The following MBNL1 variants were observed in gnomAD, a reference collection of about 807,000 sequenced individuals.
MBNL1 encodes the protein muscleblind like splicing regulator 1, also known as muscleblind-like protein 1.
In MBNL1, 8 loss-of-function variants were observed where a neutral mutation model predicts 42.2. The ratio of observed to expected loss-of-function variants is 0.19; its 90% CI spans 0.11 to 0.34. MBNL1 has a LOEUF of 0.34. Ranked by LOEUF, MBNL1 falls within the 10% of genes least tolerant of loss-of-function variation. The probability of loss-of-function intolerance (pLI) is 1.00; values close to 1 mark genes in which losing one functional copy is unlikely to be tolerated. For missense variants in MBNL1, 309 were observed against 495.3 expected (o/e 0.62, Z 3.57); for synonymous variants, 169 against 173.9 (o/e 0.97, Z 0.22).
In MBNL1 at chr3:152,352,343, C is replaced by T. The variant is rs1306090862; in HGVS notation, c.174+51976C>T. ...TATGACTGTTGTACAGTTGCACAGA[C>T]ATCTTGTTTTCTTCTAGAGAGTCCC... On this transcript the variant is annotated intron_variant, in intron 2 of 9. Coordinates refer to ENST00000324210, the MANE Select transcript of MBNL1 (RefSeq NM_021038.5). Among the ~76,000 whole-genome samples the T allele has an allele frequency of 2.6e-5, 4 of 152,256 alleles. No homozygotes were observed. In the East Asian group the frequency reaches 7.7e-4, roughly 29 times the overall value.
At chr3:152,352,269 A>T (rs968612271) in intron 2 of MBNL1, among the ~76,000 whole-genome samples, 2 of 152,156 alleles carry the variant, frequency 1.3e-5, no homozygotes, top group African/African-American at 4.8e-5. Flanking sequence ...TCATTTTTTC[A>T]TGTTTTAAAA....
intron 2 of MBNL1, among the ~76,000 whole-genome samples, chr3:152,381,128 A>G (rs2097162887): frequency 6.6e-6 from 1 of 152,060 alleles, no homozygotes; most frequent in Admixed American, 6.6e-5. Context: ...CAAGTTGTAT[A>G]TCTACATTTC....
rs1577073546 is a variant in MBNL1 at position 152,281,773 on chromosome 3, A to G, written c.-790+12681A>G. On this transcript the variant is annotated intron_variant, in intron 1 of 9. Transcript: ENST00000324210. Reference sequence around the variant, plus strand: ...CTCTTGTAATCTATTCAGCTGCATTATTGAAGATATTAGGGTAATTCAATT... The same window carrying G: ...CTCTTGTAATCTATTCAGCTGCATTGTTGAAGATATTAGGGTAATTCAATT... Among the ~76,000 whole-genome samples, 3 of 152,176 alleles carry G rather than the reference A, an allele frequency of 2.0e-5. No individual in the cohort carries two copies. The East Asian group carries it at 5.8e-4, about 29-fold the overall frequency.
intron 4 of MBNL1, among the ~76,000 whole-genome samples, chr3:152,443,310 C>G (rs1467568004): frequency 6.6e-6 from 1 of 151,566 alleles, no homozygotes; most frequent in South Asian, 2.1e-4. Context: ...TCCCTGCTGC[C>G]AATTCATTTT....
At chr3:152,275,570 A>G (rs988127972) in intron 1 of MBNL1, among the ~76,000 whole-genome samples, 3 of 151,890 alleles carry the variant, frequency 2.0e-5, no homozygotes, top group East Asian at 3.9e-4. Flanking sequence ...TTAGCTGGGC[A>G]TGGTGGCGCA....
At chr3:152,453,608 A>G (rs904052164) in intron 6 of MBNL1, among the ~76,000 whole-genome samples, 1 of 152,182 alleles carries the variant, frequency 6.6e-6, no homozygotes, top group Admixed American at 6.5e-5. Flanking sequence ...ATTTTTGGTA[A>G]GTGGGTCCTA....
intron 1 of MBNL1, among the ~76,000 whole-genome samples, chr3:152,279,025 G>T (rs2150233808): frequency 6.6e-6 from 1 of 152,190 alleles, no homozygotes; most frequent in East Asian, 1.9e-4. Flanking sequence ...GGAATGCTGT[G>T]GGGAAGAGGG....
chr3:152,249,835 A>G (rs1320126753), intron 2 of MBNL1, among the ~76,000 whole-genome samples: 1 of 146,972 alleles, frequency 6.8e-6, no homozygotes, highest in Non-Finnish European at 1.5e-5. Flanking sequence ...CTTTCTACAT[A>G]TGGCTAGCCA....
rs1750230752 is a variant in MBNL1 at position 152,465,674 on chromosome 3, G to C, written c.*3308G>C. On this transcript the variant is annotated 3_prime_UTR_variant, in exon 10 of 10. Coordinates refer to ENST00000324210, the MANE Select transcript of MBNL1 (RefSeq NM_021038.5). Reference sequence around the variant, plus strand: ...TGCTTAAAATTATGTATTTTGTCTTGGGCTGCAATTTGTTTTATGCTTATT... The same window carrying C: ...TGCTTAAAATTATGTATTTTGTCTTCGGCTGCAATTTGTTTTATGCTTATT... 1 of 152,414 alleles carries C rather than the reference G, an allele frequency of 6.6e-6. No homozygotes were observed. Among genetic ancestry groups the C allele is most frequent in the Non-Finnish European group, 1.5e-5 (1 of 67,996 alleles). The allele number at this position is 152,414 out of a possible 1,614,324, so 9.4% of individuals were successfully genotyped here.
At chr3:152,343,060 C>A (rs2093624562) in intron 2 of MBNL1, among the ~76,000 whole-genome samples, 1 of 152,024 alleles carries the variant, frequency 6.6e-6, no homozygotes, top group African/African-American at 2.4e-5. Context: ...TCTGTCAAAT[C>A]CATTTAACCT....
At chr3:152,374,887 T>C (rs948233624) in intron 2 of MBNL1, among the ~76,000 whole-genome samples, 5 of 152,136 alleles carry the variant, frequency 3.3e-5, no homozygotes, top group Admixed American at 6.5e-5. Context: ...CAAAGAAGAG[T>C]TGATTTCATT....
chr3:152,437,763 C>T (rs1304685293), intron 4 of MBNL1, among the ~76,000 whole-genome samples: 6 of 135,234 alleles, frequency 4.4e-5, no homozygotes, highest in African/African-American at 1.7e-4. Flanking sequence ...ACTTTCTGTA[C>T]TCCAAAATTC....
chr3:152,310,473 G>A (rs1000037955), intron 2 of MBNL1, among the ~76,000 whole-genome samples: 3 of 152,284 alleles, frequency 2.0e-5, no homozygotes, highest in Non-Finnish European at 4.4e-5. Flanking sequence ...AGATTATGAA[G>A]CACTATACAG....
In MBNL1 at chr3:152,268,985, A is replaced by G. The variant is rs2038227994; in HGVS notation, c.-897A>G. 1 of 456,034 alleles carries G rather than the reference A, an allele frequency of 2.2e-6. No individual in the cohort carries two copies. The highest frequency in any genetic ancestry group is 2.0e-5 in the African/African-American group (1 of 50,032). The allele number at this position is 456,034 out of a possible 1,614,324, so 28.2% of individuals were successfully genotyped here. On this transcript the variant is annotated 5_prime_UTR_variant, in exon 1 of 10. Coordinates refer to ENST00000324210, the MANE Select transcript of MBNL1 (RefSeq NM_021038.5). ...CGCCCACAATGCTCCCATGACAAGG[A>G]GCTGACAAGTTCCATTTTCCGTCGC...
At chr3:152,322,920 AT>A (rs2077265949) in intron 2 of MBNL1, among the ~76,000 whole-genome samples, 1 of 152,026 alleles carries the variant, frequency 6.6e-6, no homozygotes, top group Non-Finnish European at 1.5e-5. Flanking sequence ...AGTGAATTAC[AT>A]TTGTTTTATT....
intron 2 of MBNL1, among the ~76,000 whole-genome samples, chr3:152,385,496 A>G (rs1483448025): frequency 1.3e-5 from 2 of 152,060 alleles, no homozygotes; most frequent in South Asian, 2.1e-4. Flanking sequence ...CTATTTCTGG[A>G]TAATTAATGA....
intron 2 of MBNL1, chr3:152,338,556 C>T: frequency 1.0e-6 from 1 of 985,360 alleles, no homozygotes; most frequent in Non-Finnish European, 1.2e-6. Flanking sequence ...TCAGTGGTAG[C>T]AGCAGGTGTT....
chr3:152,294,420 G>A (rs1376147348), intron 1 of MBNL1, among the ~76,000 whole-genome samples: 3 of 151,228 alleles, frequency 2.0e-5, no homozygotes, highest in African/African-American at 7.3e-5. Context: ...AGTAGCTGGG[G>A]CTACAGGTGC....
At chr3:152,392,723 A>C (rs1236100685) in intron 2 of MBNL1, among the ~76,000 whole-genome samples, 1 of 152,228 alleles carries the variant, frequency 6.6e-6, no homozygotes, top group African/African-American at 2.4e-5. Flanking sequence ...CAGAGAAGGA[A>C]GATATATTAC....
Sources: allele counts gnomAD v4.1 joint callset (sites outside exome capture counted in the v4.1 genomes callset), GRCh38; gene constraint gnomAD v4.1.1; transcripts MANE v1.5; gene names NCBI Gene and HGNC (gene_info 2026-07-23, HGNC 2026-07-21).